DTNB: variants seen among roughly 807,000 people sequenced by gnomAD.
The protein encoded by DTNB is dystrobrevin beta.
In DTNB, 63 loss-of-function variants were observed where a neutral mutation model predicts 90.7. The ratio of observed to expected loss-of-function variants is 0.69; its 90% CI spans 0.57 to 0.86. The LOEUF is 0.86. DTNB is among the 40% of genes least tolerant of loss of function. DTNB has a pLI of 0.00. For synonymous variants in DTNB, 277 were observed against 286.7 expected, an observed-to-expected ratio of 0.97 and a Z score of 0.34; for missense variants, 744 against 807.1, an observed-to-expected ratio of 0.92 and a Z score of 0.95.
intron 1 of DTNB, among the ~76,000 whole-genome samples, chr2:25,658,293 A>G (rs1478251706): frequency 6.6e-6 from 1 of 151,938 alleles, no homozygotes; most frequent in Non-Finnish European, 1.5e-5. Flanking sequence ...GCTAACAAGG[A>G]TGCAGAGGCA....
At chr2:25,406,199 A>G (rs2149686737) in intron 16 of DTNB, among the ~76,000 whole-genome samples, 1 of 152,232 alleles carries the variant, frequency 6.6e-6, no homozygotes, top group East Asian at 1.9e-4. Context: ...TATTTGTATC[A>G]CAGGGAAAGG....
At chr2:25,611,404 A>G (rs1449978326) in intron 4 of DTNB, among the ~76,000 whole-genome samples, 1 of 152,224 alleles carries the variant, frequency 6.6e-6, no homozygotes, top group Non-Finnish European at 1.5e-5. Context: ...ACAAGAACTG[A>G]TAACATTCTA....
At chr2:25,410,023 T>C (rs552020895) in intron 16 of DTNB, among the ~76,000 whole-genome samples, 10 of 152,348 alleles carry the variant, frequency 6.6e-5, no homozygotes, top group Non-Finnish European at 8.8e-5. Flanking sequence ...ATGACACCCA[T>C]CATTTCCCTA....
intron 10 of DTNB, among the ~76,000 whole-genome samples, chr2:25,470,464 C>T (rs550886058): frequency 2.0e-4 from 31 of 151,622 alleles, no homozygotes; most frequent in African/African-American, 7.5e-4. Context: ...CAACCTCTGC[C>T]TCCCAGGTTC....
chr2:25,477,527 T>C (rs2063969613), intron 10 of DTNB, among the ~76,000 whole-genome samples: 1 of 152,246 alleles, frequency 6.6e-6, no homozygotes, highest in African/African-American at 2.4e-5. Context: ...TACTCAGGAT[T>C]ATAGGCTCTA....
chr2:25,388,376 A>G lies in DTNB; in HGVS notation c.1576-15T>C. 6.3e-7 allele frequency: 1 copy of G among 1,589,202 alleles called. No homozygotes were observed. Among genetic ancestry groups the G allele is most frequent in the East Asian group, 2.3e-5 (1 of 44,398 alleles). ...GTGGCCTGAGCCTGGAGATTCAAAG[A>G]CAGAAAATACGTTATCTCAAGTACC... On this transcript the variant is annotated splice_polypyrimidine_tract_variant and intron_variant, in intron 16 of 20. Coordinates refer to ENST00000406818, the MANE Select transcript of DTNB (RefSeq NM_021907.5).
chr2:25,466,249 C>T (rs2061757698), intron 10 of DTNB, among the ~76,000 whole-genome samples: 2 of 152,122 alleles, frequency 1.3e-5, no homozygotes, highest in South Asian at 4.1e-4. Context: ...GGCAGAGAAT[C>T]GCTTGAACCT....
chr2:25,391,919 T>C (rs1220504085), intron 16 of DTNB, among the ~76,000 whole-genome samples: 1 of 152,106 alleles, frequency 6.6e-6, no homozygotes, highest in Non-Finnish European at 1.5e-5. Context: ...ACGGAAAAAG[T>C]GATGCTAAGA....
At chr2:25,570,527 C>T (rs143883620) in intron 8 of DTNB, among the ~76,000 whole-genome samples, 6 of 151,952 alleles carry the variant, frequency 3.9e-5, no homozygotes, top group African/African-American at 7.2e-5. Flanking sequence ...CTACTTTAAT[C>T]GGTTTTTGCC....
In DTNB at chr2:25,613,477, TATA is replaced by T. The variant is rs540789271; in HGVS notation, c.363-6159_363-6157del. Among the ~76,000 whole-genome samples the T allele has an allele frequency of 2.0e-3, 308 of 152,284 alleles. 6 individuals are homozygous for T. In the East Asian group the frequency reaches 0.025, roughly 12 times the overall value. On this transcript the variant is annotated intron_variant, in intron 4 of 20. Transcript: ENST00000406818. ...GAGTACCCTATGTTTAGCTCCCACT[TATA>T]AATGAGAACATGTCGGTATTTGGTT...
chr2:25,571,523 C>A (rs1392629698), intron 8 of DTNB, among the ~76,000 whole-genome samples: 3 of 152,132 alleles, frequency 2.0e-5, no homozygotes, highest in African/African-American at 7.2e-5. Flanking sequence ...TATACCCCTA[C>A]CCTGAACACT....
At chr2:25,555,483 G>GA (rs2057173786) in intron 8 of DTNB, among the ~76,000 whole-genome samples, 1 of 151,778 alleles carries the variant, frequency 6.6e-6, no homozygotes, top group Non-Finnish European at 1.5e-5. Flanking sequence ...ACACATCATT[G>GA]AAAAAAATCA....
chr2:25,402,592 T>C (rs2044019802), intron 16 of DTNB, among the ~76,000 whole-genome samples: 1 of 152,162 alleles, frequency 6.6e-6, no homozygotes, highest in Non-Finnish European at 1.5e-5. Flanking sequence ...CTATTATGTG[T>C]CTGTTGGAAG....
At position 25,660,247 on chromosome 2, in the gene DTNB, A is replaced by G. The variant is rs1248812734; in HGVS notation, c.-1-7586T>C. Among the ~76,000 whole-genome samples the G allele has an allele frequency of 2.0e-5, 3 of 152,236 alleles. No individual in the cohort carries two copies. The East Asian group carries it at 5.8e-4, about 29-fold the overall frequency. ...TACAATGGAATATTGTTCAGCCATA[A>G]AAAGGAATGAAGTACTGAAGCATGC... On this transcript the variant is annotated intron_variant, in intron 1 of 20. Coordinates refer to ENST00000406818, the MANE Select transcript of DTNB (RefSeq NM_021907.5).
At chr2:25,459,551 T>C (rs1276685227) in intron 10 of DTNB, among the ~76,000 whole-genome samples, 2 of 152,204 alleles carry the variant, frequency 1.3e-5, no homozygotes, top group Non-Finnish European at 2.9e-5. Context: ...TGGAGCGCAG[T>C]GGCGTGACCT....
chr2:25,458,562 G>C, intron 10 of DTNB, among the ~76,000 whole-genome samples: 1 of 152,058 alleles, frequency 6.6e-6, no homozygotes, highest in Admixed American at 6.6e-5. Flanking sequence ...TCAACCTCCT[G>C]GGCTGAAGCA....
At chr2:25,413,535 G>A (rs1049247160) in intron 16 of DTNB, among the ~76,000 whole-genome samples, 1 of 151,382 alleles carries the variant, frequency 6.6e-6, no homozygotes, top group Admixed American at 6.6e-5. Flanking sequence ...TTGTTCTTGC[G>A]ATAGTTTGCT....
At chr2:25,579,709 A>G (rs182039549) in intron 7 of DTNB, among the ~76,000 whole-genome samples, 42 of 152,288 alleles carry the variant, frequency 2.8e-4, no homozygotes, top group African/African-American at 9.1e-4. Context: ...TGAAGGAAAA[A>G]AAATGAGGAA....
chr2:25,507,788 T>C (rs1468364207), intron 9 of DTNB, among the ~76,000 whole-genome samples: 1 of 152,208 alleles, frequency 6.6e-6, no homozygotes, highest in Non-Finnish European at 1.5e-5. Context: ...CAATGGCATA[T>C]AAGACCCTCT....
Sources: allele counts gnomAD v4.1 joint callset (sites outside exome capture counted in the v4.1 genomes callset), GRCh38; gene constraint gnomAD v4.1.1; transcripts MANE v1.5; gene names NCBI Gene and HGNC (gene_info 2026-07-23, HGNC 2026-07-21).